PTPRT: variants seen among roughly 807,000 people sequenced by gnomAD.
The protein encoded by PTPRT is protein tyrosine phosphatase receptor type T, also known as receptor-type tyrosine-protein phosphatase T.
PTPRT carries 56 observed loss-of-function variants against 176.8 expected under a neutral mutation model. That is an observed-to-expected ratio of 0.32 (90% CI 0.26 to 0.40). PTPRT has a LOEUF of 0.40. PTPRT is among the 10% of genes least tolerant of loss of function. The pLI is 1.00. For synonymous variants in PTPRT, 783 were observed against 739.0 expected, an observed-to-expected ratio of 1.06 and a Z score of -0.96; for missense variants, 1,540 against 1,908.2, an observed-to-expected ratio of 0.81 and a Z score of 3.60.
At chr20:42,969,844 TA>T (rs1263517950) in intron 1 of PTPRT, among the ~76,000 whole-genome samples, 3 of 152,206 alleles carry the variant, frequency 2.0e-5, no homozygotes, top group Non-Finnish European at 2.9e-5. Flanking sequence ...ATAAATATGG[TA>T]CATTTACTAT....
intron 9 of PTPRT, among the ~76,000 whole-genome samples, chr20:42,398,618 C>T (rs993867174): frequency 7.9e-5 from 12 of 152,036 alleles, no homozygotes; most frequent in Admixed American, 7.9e-4. Context: ...TTGTATATGT[C>T]TTGATCTGAA....
chr20:42,421,414 G>A (rs530609175), intron 9 of PTPRT, among the ~76,000 whole-genome samples: 1 of 152,232 alleles, frequency 6.6e-6, no homozygotes, highest in East Asian at 1.9e-4. Context: ...GGGACAACAG[G>A]CAGGAGATTA....
intron 14 of PTPRT, among the ~76,000 whole-genome samples, chr20:42,237,242 TG>T (rs1389839429): frequency 2.6e-5 from 4 of 152,176 alleles, no homozygotes; most frequent in Non-Finnish European, 4.4e-5. Context: ...CATTAGATTT[TG>T]GGGGTAGTTT....
chr20:42,646,069 ACCCAG>A (rs1194552071), intron 7 of PTPRT, among the ~76,000 whole-genome samples: 1 of 151,392 alleles, frequency 6.6e-6, no homozygotes, highest in Non-Finnish European at 1.5e-5. Context: ...GATTCTCCTT[ACCCAG>A]CCACTATACC....
intron 1 of PTPRT, among the ~76,000 whole-genome samples, chr20:43,012,915 TCTTGCCCTCAC>T (rs1985199406): frequency 6.6e-6 from 1 of 151,986 alleles, no homozygotes; most frequent in Non-Finnish European, 1.5e-5. Context: ...TGGTTAACTT[TCTTGCCCTCAC>T]CTGCTTGACC....
intron 8 of PTPRT, among the ~76,000 whole-genome samples, chr20:42,464,446 G>C (rs907350638): frequency 6.6e-6 from 1 of 152,288 alleles, no homozygotes; most frequent in East Asian, 1.9e-4. Flanking sequence ...TGGGTGGTCA[G>C]GGAATGCCCT....
chr20:42,084,429 C>T (rs1367213973), intron 29 of PTPRT, among the ~76,000 whole-genome samples: 1 of 152,194 alleles, frequency 6.6e-6, no homozygotes, highest in East Asian at 1.9e-4. Context: ...GCAACCTCCT[C>T]TCATGTTTGT....
intron 7 of PTPRT, among the ~76,000 whole-genome samples, chr20:42,572,257 G>A (rs929713185): frequency 2.6e-5 from 4 of 152,152 alleles, no homozygotes; most frequent in African/African-American, 7.2e-5. Flanking sequence ...TCACCATGGG[G>A]TTTAAGTTTC....
intron 7 of PTPRT, among the ~76,000 whole-genome samples, chr20:42,571,756 C>T (rs918185138): frequency 2.0e-5 from 3 of 152,096 alleles, no homozygotes; most frequent in African/African-American, 7.2e-5. Flanking sequence ...GACCCCAACC[C>T]CCACTGCCCC....
At chr20:42,902,984 C>A (rs891782577) in intron 1 of PTPRT, among the ~76,000 whole-genome samples, 4 of 152,166 alleles carry the variant, frequency 2.6e-5, no homozygotes, top group Admixed American at 2.6e-4. Flanking sequence ...CCTCTTTCTC[C>A]ATGGAGCTCA....
chr20:42,058,183 A>T, the PTPRT span, among the ~76,000 whole-genome samples: 1 of 152,202 alleles, frequency 6.6e-6, no homozygotes, highest in African/African-American at 2.4e-5. Flanking sequence ...CCCAGCTCTG[A>T]GAGTTCACAG....
intron 6 of PTPRT, among the ~76,000 whole-genome samples, chr20:42,752,215 T>C (rs562448826): frequency 3.2e-4 from 49 of 152,342 alleles, no homozygotes; most frequent in African/African-American, 1.1e-3. Flanking sequence ...TACTTCTTTG[T>C]CTGATAAATC....
At chr20:42,538,303 A>G (rs2072512703) in intron 7 of PTPRT, among the ~76,000 whole-genome samples, 1 of 152,140 alleles carries the variant, frequency 6.6e-6, no homozygotes, top group Non-Finnish European at 1.5e-5. Flanking sequence ...TTCCTTTTCC[A>G]AGTCTTCTCT....
At chr20:42,621,512 C>T (rs1400637112) in intron 7 of PTPRT, among the ~76,000 whole-genome samples, 1 of 152,216 alleles carries the variant, frequency 6.6e-6, no homozygotes. Context: ...CCATGGATTC[C>T]TCCATTGCCC....
chr20:42,105,994 G>A (rs1257844395), intron 24 of PTPRT, among the ~76,000 whole-genome samples: 1 of 152,218 alleles, frequency 6.6e-6, no homozygotes, highest in East Asian at 1.9e-4. Context: ...GCTGCTTAGT[G>A]AGAGTGTGGT....
the PTPRT span, among the ~76,000 whole-genome samples, chr20:42,056,813 A>G: frequency 2.6e-5 from 4 of 152,238 alleles, no homozygotes; most frequent in African/African-American, 9.6e-5. Context: ...TGTCTTAGGC[A>G]AACTAAGAAA....
chr20:42,869,899 G>A (rs1169395603), intron 2 of PTPRT, among the ~76,000 whole-genome samples: 1 of 152,118 alleles, frequency 6.6e-6, no homozygotes, highest in Non-Finnish European at 1.5e-5. Flanking sequence ...TCATGAATGG[G>A]AATAGCAACA....
At chr20:42,449,460 A>G in intron 8 of PTPRT, among the ~76,000 whole-genome samples, 1 of 152,238 alleles carries the variant, frequency 6.6e-6, no homozygotes, top group East Asian at 1.9e-4. Context: ...AATGAATTTC[A>G]GTAAATTGTT....
At chr20:42,437,203 G>C (rs377412376) in intron 9 of PTPRT, among the ~76,000 whole-genome samples, 1 of 152,144 alleles carries the variant, frequency 6.6e-6, no homozygotes, top group Admixed American at 6.5e-5. Flanking sequence ...AAAAAGAAAA[G>C]AGACCCATGC....
Sources: gnomAD v4.1 joint callset for allele counts (sites outside exome capture counted in the v4.1 genomes callset) on GRCh38, gnomAD v4.1.1 for gene constraint, MANE v1.5 for transcripts, NCBI Gene and HGNC (gene_info 2026-07-23, HGNC 2026-07-21) for gene names.